Variants in SPAG16 observed in about 807,000 individuals in gnomAD.
SPAG16 encodes sperm associated antigen 16, also known as sperm-associated antigen 16 protein.
Under a neutral mutation model 80.4 loss-of-function variants are expected in SPAG16, and 86 were observed. That is an observed-to-expected ratio of 1.07 (90% CI 0.90 to 1.28). SPAG16 has a LOEUF of 1.28. SPAG16 is among the 50% of genes most tolerant of loss of function. SPAG16 has a pLI of 0.00. For missense variants in SPAG16, 870 were observed against 765.3 expected (o/e 1.14, Z -1.61); for synonymous variants, 294 against 265.9 (o/e 1.11, Z -1.03).
chr2:213,818,009 C>A (rs767032633), intron 10 of SPAG16, among the ~76,000 whole-genome samples: 4 of 152,084 alleles, frequency 2.6e-5, no homozygotes, highest in Non-Finnish European at 5.9e-5. Context: ...AACTGGAAGG[C>A]GTTAAATGCT....
At chr2:214,382,837 G>C (rs973969844) in intron 15 of SPAG16, among the ~76,000 whole-genome samples, 4 of 152,112 alleles carry the variant, frequency 2.6e-5, no homozygotes, top group Non-Finnish European at 5.9e-5. Flanking sequence ...GGAGTAGAAG[G>C]AGCTTCATGA....
rs1197688598 is a variant in SPAG16, at chr2:214,174,230, G to A, written c.1720+24964G>A. Among the ~76,000 whole-genome samples, 8 of 152,024 alleles carry A rather than the reference G, an allele frequency of 5.3e-5. No homozygotes were observed. The East Asian group carries it at 1.6e-3, about 30-fold the overall frequency. ...ACATAGTGTTGGAAGTTCTGGCCAG[G>A]GCAATTAGACAGGAGAAGGAAATAA... On this transcript the variant is annotated intron_variant, in intron 15 of 15. Coordinates refer to ENST00000331683, the MANE Select transcript of SPAG16 (RefSeq NM_024532.5).
At chr2:213,731,900 C>CT (rs2067061552) in intron 10 of SPAG16, among the ~76,000 whole-genome samples, 1 of 152,150 alleles carries the variant, frequency 6.6e-6, no homozygotes, top group Non-Finnish European at 1.5e-5. Flanking sequence ...TTTTGCTATG[C>CT]AGGAGCTCTT....
chr2:214,324,320 A>T (rs1696322017), intron 15 of SPAG16, among the ~76,000 whole-genome samples: 1 of 152,174 alleles, frequency 6.6e-6, no homozygotes, highest in Non-Finnish European at 1.5e-5. Context: ...TTTTCATTTT[A>T]AAGTTTTTAG....
At chr2:213,993,536 T>C (rs1002072978) in intron 12 of SPAG16, among the ~76,000 whole-genome samples, 1 of 152,188 alleles carries the variant, frequency 6.6e-6, no homozygotes, top group African/African-American at 2.4e-5. Flanking sequence ...ACATTGAGCC[T>C]AGTTCTAGGT....
chr2:214,325,891 A>G (rs1230550124), intron 15 of SPAG16, among the ~76,000 whole-genome samples: 1 of 152,166 alleles, frequency 6.6e-6, no homozygotes, highest in Non-Finnish European at 1.5e-5. Flanking sequence ...ATGATTTCCA[A>G]AGGGTTAACC....
chr2:213,476,547 T>C (rs761430542), intron 9 of SPAG16, among the ~76,000 whole-genome samples: 6 of 152,192 alleles, frequency 3.9e-5, no homozygotes, highest in Non-Finnish European at 5.9e-5. Context: ...TCTGTTTTTG[T>C]AAAAAATCTG....
chr2:213,603,285 G>C (rs1326346224), intron 10 of SPAG16, among the ~76,000 whole-genome samples: 2 of 152,098 alleles, frequency 1.3e-5, no homozygotes, highest in African/African-American at 4.8e-5. Context: ...ATTTTTCTAT[G>C]TATTGCTTCT....
chr2:214,095,911 G>C (rs2052556715), intron 13 of SPAG16, among the ~76,000 whole-genome samples: 5 of 151,564 alleles, frequency 3.3e-5, no homozygotes, highest in Admixed American at 3.3e-4. Context: ...GTTTCTATGG[G>C]GGAAAATAAA....
At chr2:213,302,756 G>T (rs1444425576) in intron 3 of SPAG16, among the ~76,000 whole-genome samples, 1 of 151,914 alleles carries the variant, frequency 6.6e-6, no homozygotes, top group African/African-American at 2.4e-5. Context: ...AGTTTAAGGT[G>T]GTCGTATTTC....
intron 11 of SPAG16, among the ~76,000 whole-genome samples, chr2:213,869,297 A>ATATATATG (rs1419833513): frequency 0.56 from 69,011 of 123,262 alleles, 21,665 homozygotes; most frequent in South Asian, 0.83. Flanking sequence ...ATATATGTAT[A>ATATATATG]TATATATATA....
intron 10 of SPAG16, among the ~76,000 whole-genome samples, chr2:213,756,043 A>G (rs1195442663): frequency 1.3e-5 from 2 of 152,254 alleles, no homozygotes; most frequent in Non-Finnish European, 2.9e-5. Flanking sequence ...ATGGCTGAGT[A>G]GGACTAGATC....
chr2:214,364,352 T>C (rs898856425), intron 15 of SPAG16, among the ~76,000 whole-genome samples: 1 of 152,114 alleles, frequency 6.6e-6, no homozygotes, highest in Admixed American at 6.6e-5. Context: ...TCACGCTTTC[T>C]CCTTAAAATG....
intron 15 of SPAG16, among the ~76,000 whole-genome samples, chr2:214,160,636 T>C (rs955197052): frequency 6.6e-6 from 1 of 152,086 alleles, no homozygotes; most frequent in Non-Finnish European, 1.5e-5. Context: ...TATGTTCTCT[T>C]AGATCTGCAG....
intron 9 of SPAG16, among the ~76,000 whole-genome samples, chr2:213,419,651 TG>T (rs1208561502): frequency 6.6e-6 from 1 of 152,242 alleles, no homozygotes; most frequent in Non-Finnish European, 1.5e-5. Context: ...AAAATAATTT[TG>T]CATTAAAAGC....
intron 7 of SPAG16, among the ~76,000 whole-genome samples, chr2:213,357,245 A>T (rs2065710054): frequency 6.6e-6 from 1 of 152,082 alleles, no homozygotes; most frequent in Non-Finnish European, 1.5e-5. Flanking sequence ...GATTTGGGGT[A>T]GAGAGTTCTG....
chr2:214,256,670 A>G (rs905039589), intron 15 of SPAG16, among the ~76,000 whole-genome samples: 11 of 151,962 alleles, frequency 7.2e-5, no homozygotes, highest in Admixed American at 6.6e-4. Context: ...GAACAACAAC[A>G]AACCCTTAAC....
intron 12 of SPAG16, among the ~76,000 whole-genome samples, chr2:213,935,578 T>A (rs2078953285): frequency 6.6e-6 from 1 of 152,216 alleles, no homozygotes; most frequent in African/African-American, 2.4e-5. Context: ...CTTGTAAGAC[T>A]AGTTATAAAT....
chr2:214,370,098 C>T (rs555513807), intron 15 of SPAG16, among the ~76,000 whole-genome samples: 1 of 152,198 alleles, frequency 6.6e-6, no homozygotes, highest in Admixed American at 6.5e-5. Flanking sequence ...TAACTATCTT[C>T]CCATGGTGTC....
Sources: allele counts gnomAD v4.1 joint callset (sites outside exome capture counted in the v4.1 genomes callset), GRCh38; gene constraint gnomAD v4.1.1; transcripts MANE v1.5; gene names NCBI Gene and HGNC (gene_info 2026-07-23, HGNC 2026-07-21).